Variants in PDE1C observed in about 807,000 individuals in gnomAD.
PDE1C encodes phosphodiesterase 1C.
A neutral mutation model predicts 93.1 loss-of-function variants in PDE1C; 62 were observed. The observed-to-expected ratio is 0.67, with a 90% CI of 0.54 to 0.82. The LOEUF (loss-of-function observed/expected upper bound fraction) is 0.82, where lower values mean the gene tolerates loss of function less well. Among genes scored for constraint, PDE1C ranks in the 40% least tolerant of loss-of-function variants. PDE1C has a pLI of 0.00. For synonymous variants in PDE1C, 325 were observed against 310.1 expected (o/e 1.05, Z -0.50); for missense variants, 742 against 884.6 (o/e 0.84, Z 2.04).
chr7:32,243,790 G>A (rs894612982), intron 1 of PDE1C, among the ~76,000 whole-genome samples: 2 of 152,184 alleles, frequency 1.3e-5, no homozygotes, highest in African/African-American at 4.8e-5. Flanking sequence ...GTTATGAAGA[G>A]CAAAGACTGT....
the PDE1C span, among the ~76,000 whole-genome samples, chr7:31,669,748 A>G: frequency 6.6e-6 from 1 of 152,210 alleles, no homozygotes; most frequent in African/African-American, 2.4e-5. Flanking sequence ...ACCATTACTC[A>G]TGTAATAAGA....
chr7:31,906,673 C>T (rs989336862), intron 2 of PDE1C, among the ~76,000 whole-genome samples: 2 of 152,004 alleles, frequency 1.3e-5, no homozygotes, highest in Non-Finnish European at 2.9e-5. Flanking sequence ...CAGCAGTGAG[C>T]GAATAAAAGA....
intron 14 of PDE1C, 61 bp from the exon 15 acceptor site, chr7:31,816,215 A>G: frequency 6.8e-7 from 1 of 1,465,738 alleles, no homozygotes; most frequent in South Asian, 1.2e-5. Flanking sequence ...TGCCGTTAGG[A>G]GAATGGCCTG....
chr7:32,128,904 CAA>C (rs1491127395), intron 3 of PDE1C, among the ~76,000 whole-genome samples: 29 of 40,790 alleles, frequency 7.1e-4, no homozygotes, highest in African/African-American at 2.5e-3. Flanking sequence ...TAAAGTATAA[CAA>C]ATATATATAT....
the PDE1C span, among the ~76,000 whole-genome samples, chr7:31,723,069 A>C: frequency 6.6e-6 from 1 of 152,096 alleles, no homozygotes; most frequent in Non-Finnish European, 1.5e-5. Flanking sequence ...GGAATTCTTC[A>C]TATCAGCTAT....
intron 16 of PDE1C, among the ~76,000 whole-genome samples, chr7:31,800,037 G>C (rs2128686976): frequency 6.6e-6 from 1 of 151,704 alleles, no homozygotes; most frequent in Non-Finnish European, 1.5e-5. Flanking sequence ...TGATGTCAAG[G>C]ATCTTTTAAT....
intron 2 of PDE1C, among the ~76,000 whole-genome samples, chr7:32,030,627 C>T (rs866251877): frequency 1.3e-5 from 2 of 152,068 alleles, no homozygotes; most frequent in South Asian, 4.2e-4. Flanking sequence ...ACAGCATGTA[C>T]AGGAAGGACT....
intron 2 of PDE1C, among the ~76,000 whole-genome samples, chr7:32,012,084 A>G (rs757232810): frequency 6.6e-6 from 1 of 152,252 alleles, no homozygotes; most frequent in Non-Finnish European, 1.5e-5. Flanking sequence ...GCAAAAGAGC[A>G]CACTATATGA....
At chr7:32,350,223 A>G (rs865803330) in intron 1 of PDE1C, among the ~76,000 whole-genome samples, 2 of 152,118 alleles carry the variant, frequency 1.3e-5, no homozygotes, top group African/African-American at 4.8e-5. Flanking sequence ...ACTACCATCA[A>G]TTCACAGCCA....
the PDE1C span, among the ~76,000 whole-genome samples, chr7:31,702,145 T>C: frequency 2.0e-5 from 3 of 152,326 alleles, no homozygotes; most frequent in East Asian, 1.9e-4. Flanking sequence ...GGTTATGCTA[T>C]GATATGGGAA....
chr7:32,290,784 TG>T (rs1256897369), intron 1 of PDE1C, among the ~76,000 whole-genome samples: 1 of 152,106 alleles, frequency 6.6e-6, no homozygotes, highest in Non-Finnish European at 1.5e-5. Context: ...CATGGATCCA[TG>T]AAGAACAACC....
At chr7:32,389,176 GTGTGT>G in intron 1 of PDE1C, among the ~76,000 whole-genome samples, 2 of 138,796 alleles carry the variant, frequency 1.4e-5, no homozygotes, top group Non-Finnish European at 3.1e-5. Context: ...GTGTGTGTGT[GTGTGT>G]GTGTGTGTGG....
intron 2 of PDE1C, among the ~76,000 whole-genome samples, chr7:32,027,921 A>G (rs1256858294): frequency 1.3e-5 from 2 of 152,086 alleles, no homozygotes. Flanking sequence ...AGCATAGGCA[A>G]GTCTTCTTGG....
At position 32,188,291 on chromosome 7, in the gene PDE1C, T is replaced by C. The variant is rs2128818802; in HGVS notation, c.137-18335A>G. ...TTTAATCTGCAAACCCAGGTCTTACTTTCTTCTGTTCAGGCAAGCTGCCTT... is the reference window on the plus strand; with the variant it reads ...TTTAATCTGCAAACCCAGGTCTTACCTTCTTCTGTTCAGGCAAGCTGCCTT... On this transcript the variant is annotated intron_variant, in intron 2 of 18. Transcript: ENST00000396193. Among the ~76,000 whole-genome samples the C allele has an allele frequency of 1.3e-5, 2 of 152,224 alleles. 1 individual carries two copies. Among genetic ancestry groups the C allele is most frequent in the South Asian group, 4.1e-4 (2 of 4,822 alleles).
At chr7:32,284,440 T>C (rs1393368176) in intron 1 of PDE1C, among the ~76,000 whole-genome samples, 1 of 152,232 alleles carries the variant, frequency 6.6e-6, no homozygotes, top group Admixed American at 6.5e-5. Flanking sequence ...TAGTACCTAG[T>C]ATTCCAAATA....
chr7:31,703,487 A>G, the PDE1C span, among the ~76,000 whole-genome samples: 1 of 152,242 alleles, frequency 6.6e-6, no homozygotes, highest in African/African-American at 2.4e-5. Flanking sequence ...TGTATGCATT[A>G]TGGAATTCCT....
intron 16 of PDE1C, among the ~76,000 whole-genome samples, chr7:31,796,306 T>C (rs1161264359): frequency 6.6e-6 from 1 of 151,586 alleles, no homozygotes; most frequent in Non-Finnish European, 1.5e-5. Flanking sequence ...CATATATATG[T>C]GTATGTGTAC....
At position 31,959,214 on chromosome 7, in the gene PDE1C, G is replaced by C. The variant is rs144030085; in HGVS notation, c.129-78354C>G. The stretch of plus-strand genomic sequence containing the variant: ...TTTTTGTTTTGTTGTTTGTTTGTTT[G>C]TTTGTTTGTTTTTTGAGACACAGTC... On this transcript the variant is annotated intron_variant, in intron 2 of 17. Coordinates refer to ENST00000396191, the MANE Select transcript of PDE1C (RefSeq NM_001191057.4). Among the ~76,000 whole-genome samples the C allele has an allele frequency of 3.2e-3, 481 of 152,096 alleles. 4 individuals carry two copies. The highest frequency in any genetic ancestry group is 0.011 in the African/African-American group (452 of 41,472).
chr7:31,878,791 C>T (rs952720573), intron 4 of PDE1C, among the ~76,000 whole-genome samples: 1 of 152,086 alleles, frequency 6.6e-6, no homozygotes, highest in Non-Finnish European at 1.5e-5. Context: ...AAATTCTGAG[C>T]AAAAGCAAAA....
Sources: gnomAD v4.1 joint callset for allele counts (sites outside exome capture counted in the v4.1 genomes callset) on GRCh38, gnomAD v4.1.1 for gene constraint, MANE v1.5 for transcripts, NCBI Gene and HGNC (gene_info 2026-07-23, HGNC 2026-07-21) for gene names.